CSMD3: variants seen among roughly 807,000 people sequenced by gnomAD.
CSMD3 encodes the protein CUB and sushi domain-containing protein 3.
CSMD3 carries 177 observed loss-of-function variants against 435.2 expected under a neutral mutation model. That is an observed-to-expected ratio of 0.41 (90% confidence interval 0.36 to 0.46). The LOEUF (loss-of-function observed/expected upper bound fraction) is 0.46, where lower values mean the gene tolerates loss of function less well. CSMD3 is among the 20% of genes least tolerant of loss of function. The pLI is 0.34. For missense variants in CSMD3, 4,265 were observed against 4,504.6 expected, an observed-to-expected ratio of 0.95 and a Z score of 1.52; for synonymous variants, 1,656 against 1,520.5, an observed-to-expected ratio of 1.09 and a Z score of -2.07.
At chr8:113,410,943 A>C (rs1010604762) in intron 1 of CSMD3, among the ~76,000 whole-genome samples, 4 of 135,132 alleles carry the variant, frequency 3.0e-5, no homozygotes, top group Admixed American at 8.3e-5. Flanking sequence ...GAAAGAAAGA[A>C]AGAAAGAAAG....
intron 32 of CSMD3, among the ~76,000 whole-genome samples, chr8:112,463,514 T>C (rs1451526112): frequency 6.6e-6 from 1 of 152,218 alleles, no homozygotes; most frequent in Non-Finnish European, 1.5e-5. Flanking sequence ...GCTGGCAAAC[T>C]TGCACTTAGA....
At chr8:112,704,969 T>C (rs1563875189) in intron 13 of CSMD3, among the ~76,000 whole-genome samples, 1 of 152,066 alleles carries the variant, frequency 6.6e-6, no homozygotes. Context: ...CCACACTTCT[T>C]GATGATTATA....
At chr8:112,671,298 C>T (rs534656523) in intron 16 of CSMD3, among the ~76,000 whole-genome samples, 7 of 152,052 alleles carry the variant, frequency 4.6e-5, no homozygotes, top group African/African-American at 1.7e-4. Context: ...CAGCCTCTTA[C>T]TAGTTTTATG....
rs1246017910 is a variant in CSMD3, at chr8:112,685,444, T to C, written c.2444A>G (p.His815Arg). 1 of 1,613,882 alleles carries C rather than the reference T, an allele frequency of 6.2e-7. No homozygotes were observed. Among genetic ancestry groups the C allele is most frequent in the Non-Finnish European group, 8.5e-7 (1 of 1,179,924 alleles). The change falls in exon 15 of 71, where the codon CAC (histidine) becomes CGC (arginine). Residue 815 changes from histidine to arginine, a missense_variant. Physicochemically the swap from His to Arg is conservative, Grantham distance 29. Around this residue, in one of 3 missense-constraint regions of CSMD3, gnomAD observed 279 missense variants for 369.0 expected, o/e 0.76. Coordinates refer to ENST00000297405, the MANE Select transcript of CSMD3 (RefSeq NM_198123.2). ...HILRLEFQAD[H>R]SMSGRGFNIT... ...GTTAAAGCCACGTCCTGACATTGAG[T>C]GGTCAGCCTGAAATTCCAATCGCAG...
rs539185738 is a variant in CSMD3 at position 112,339,792 on chromosome 8, T to C, written c.6652+1685A>G. Among the ~76,000 whole-genome samples, 4 of 152,308 alleles carry C rather than the reference T, an allele frequency of 2.6e-5. No homozygotes were observed. The East Asian group carries it at 5.8e-4, about 22-fold the overall frequency. ...CCAAAAATAATATTGACTCTGTGAA[T>C]ATATATGTTAACTATTTCTTTAAAA... On this transcript the variant is annotated intron_variant, in intron 42 of 70. Coordinates refer to ENST00000297405, the MANE Select transcript of CSMD3 (RefSeq NM_198123.2).
intron 2 of CSMD3, chr8:113,312,775 T>A (rs2093879188): frequency 6.6e-6 from 1 of 152,206 alleles, no homozygotes; most frequent in South Asian, 2.1e-4. Context: ...CAGCTTTTAA[T>A]GACAGTGGCA....
intron 39 of CSMD3, among the ~76,000 whole-genome samples, chr8:112,351,654 C>A (rs1282024538): frequency 6.6e-6 from 1 of 151,752 alleles, no homozygotes; most frequent in East Asian, 1.9e-4. Context: ...AATATTAAAA[C>A]AAGTCAAAGT....
chr8:112,244,471 A>C lies in CSMD3; in HGVS notation c.10325T>G (p.Phe3442Cys), dbSNP rs1385187008. Residue 3442 changes from phenylalanine to cysteine, a missense_variant, in exon 65 of 71, where the codon TTC becomes TGC. Phe to Cys is a radical substitution (Grantham distance 205). Coordinates refer to ENST00000297405, the MANE Select transcript of CSMD3 (RefSeq NM_198123.2). ...YTLIYTCQPG[F>C]FLAGGTEHRV... ...ATGTTCTGTTCCACCTGCTAAGAAG[A>C]AGCCAGGCTGACAGGTATAAATCAG... 2 of 1,613,922 alleles carry C rather than the reference A, an allele frequency of 1.2e-6. No homozygotes were observed. The highest frequency in any genetic ancestry group is 1.7e-6 in the Non-Finnish European group (2 of 1,179,830).
In CSMD3 at chr8:113,013,151, GA is replaced by G. The variant is rs557395366; in HGVS notation, c.1030+5915del. Among the ~76,000 whole-genome samples, 347 of 151,016 alleles carry G rather than the reference GA, an allele frequency of 2.3e-3. 1 individual carries two copies. The highest frequency in any genetic ancestry group is 3.5e-3 in the Non-Finnish European group (238 of 67,632). On this transcript the variant is annotated intron_variant, in intron 6 of 70. Transcript: ENST00000297405. ...TTATGATTTCAGAAAATCTGTTATA[GA>G]AAAAAAAATTGTTTCTCAGTTTTAC...
intron 61 of CSMD3, among the ~76,000 whole-genome samples, chr8:112,258,749 C>T (rs972161944): frequency 2.0e-5 from 3 of 152,102 alleles, no homozygotes; most frequent in African/African-American, 7.2e-5. Flanking sequence ...ACTAGAAATA[C>T]CATTTGATGG....
intron 3 of CSMD3, among the ~76,000 whole-genome samples, chr8:113,226,149 G>A (rs1160017206): frequency 6.6e-6 from 1 of 151,450 alleles, no homozygotes; most frequent in Non-Finnish European, 1.5e-5. Flanking sequence ...CCAGCCTTGG[G>A]CAGTTCTTCG....
intron 13 of CSMD3, among the ~76,000 whole-genome samples, chr8:112,737,465 AT>A (rs1379834514): frequency 1.3e-5 from 2 of 151,894 alleles, no homozygotes; most frequent in African/African-American, 4.8e-5. Flanking sequence ...CTAAAGGCAG[AT>A]TTTCCTGGAA....
chr8:112,972,923 C>A (rs190821529), intron 7 of CSMD3, among the ~76,000 whole-genome samples: 1 of 151,934 alleles, frequency 6.6e-6, no homozygotes, highest in Admixed American at 6.6e-5. Context: ...CTAGAGGTAA[C>A]AATTTAAGCT....
rs552964401 is a variant in CSMD3 at position 112,369,466 on chromosome 8, T to C, written c.6136+10886A>G. Among the ~76,000 whole-genome samples the C allele has an allele frequency of 5.0e-4, 76 of 152,250 alleles. 1 individual carries two copies. Among genetic ancestry groups the C allele is most frequent in the African/African-American group, 1.8e-3 (74 of 41,546 alleles). On this transcript the variant is annotated intron_variant, in intron 38 of 70. Transcript: ENST00000297405. ...AGCTTGTTAGAAGTCAGGTATTTGG[T>C]GACCATCAATAATAGACTGGATAAA...
In CSMD3 at chr8:113,205,686, T is replaced by C. The variant is rs560793022; in HGVS notation, c.515-31770A>G. Among the ~76,000 whole-genome samples the C allele has an allele frequency of 5.4e-4, 82 of 152,256 alleles. 1 individual carries two copies. The highest frequency in any genetic ancestry group is 6.8e-3 in the Middle Eastern group (2 of 294). ...AACCTTTTCTCTCTAGTGACTATAA[T>C]TGTAATCAAAATAGACAGAAAAAAA... On this transcript the variant is annotated intron_variant, in intron 3 of 70. Coordinates refer to ENST00000297405, the MANE Select transcript of CSMD3 (RefSeq NM_198123.2).
intron 3 of CSMD3, among the ~76,000 whole-genome samples, chr8:113,201,543 T>C (rs901727379): frequency 1.3e-5 from 2 of 151,954 alleles, no homozygotes; most frequent in African/African-American, 4.8e-5. Context: ...AGGGAATCCA[T>C]CATAAAATAC....
rs1395832991 is a variant in CSMD3 at position 112,846,569 on chromosome 8, G to A, written c.1755+12576C>T. On this transcript the variant is annotated intron_variant, in intron 11 of 70. Coordinates refer to ENST00000297405, the MANE Select transcript of CSMD3 (RefSeq NM_198123.2). Reference sequence around the variant, plus strand: ...AGACATGTGCCACCATGCCCACTTGGTTAATTTTTAAAAATTGTTTTGTAG... The same window carrying A: ...AGACATGTGCCACCATGCCCACTTGATTAATTTTTAAAAATTGTTTTGTAG... Among the ~76,000 whole-genome samples, 5 of 151,598 alleles carry A rather than the reference G, an allele frequency of 3.3e-5. No homozygotes were observed. In the South Asian group the frequency reaches 1.0e-3, roughly 31 times the overall value.
At chr8:112,522,363 G>C (rs929011496) in intron 27 of CSMD3, among the ~76,000 whole-genome samples, 11 of 151,840 alleles carry the variant, frequency 7.2e-5, no homozygotes, top group Non-Finnish European at 5.9e-5. Flanking sequence ...GCTTATCTGA[G>C]AAAGCATATA....
chr8:113,194,140 G>A (rs1026195477), intron 3 of CSMD3, among the ~76,000 whole-genome samples: 5 of 151,198 alleles, frequency 3.3e-5, no homozygotes, highest in African/African-American at 7.3e-5. Flanking sequence ...ACATCTGCAG[G>A]TGTTTAACGT....
Sources: allele counts gnomAD v4.1 joint callset (sites outside exome capture counted in the v4.1 genomes callset), GRCh38; gene constraint gnomAD v4.1.1; regional missense constraint gnomAD v4.1.1; transcripts MANE v1.5; gene names NCBI Gene and HGNC (gene_info 2026-07-23, HGNC 2026-07-21).